CADM2: variants seen among roughly 807,000 people sequenced by gnomAD.
CADM2 encodes cell adhesion molecule 2.
CADM2 carries 12 observed loss-of-function variants against 49.8 expected under a neutral mutation model. The ratio of observed to expected loss-of-function variants is 0.24; its 90% confidence interval spans 0.15 to 0.39. The LOEUF is 0.39. CADM2 is among the 10% of genes least tolerant of loss of function. The probability of loss-of-function intolerance (pLI) is 1.00; values close to 1 mark genes in which losing one functional copy is unlikely to be tolerated. For synonymous variants in CADM2, 214 were observed against 175.4 expected, an observed-to-expected ratio of 1.22 and a Z score of -1.74; for missense variants, 378 against 492.3, an observed-to-expected ratio of 0.77 and a Z score of 2.20.
At chr3:85,654,515 T>C (rs2065140796) in intron 1 of CADM2, among the ~76,000 whole-genome samples, 1 of 152,062 alleles carries the variant, frequency 6.6e-6, no homozygotes, top group Non-Finnish European at 1.5e-5. Context: ...CTCAGTGAAA[T>C]TAAGAAGCAT....
intron 7 of CADM2, among the ~76,000 whole-genome samples, chr3:85,956,519 G>T (rs935093376): frequency 6.6e-6 from 1 of 151,420 alleles, no homozygotes; most frequent in Non-Finnish European, 1.5e-5. Context: ...ATGCTATTTT[G>T]CCACCTTGAA....
chr3:85,704,005 T>G (rs2066862049), intron 1 of CADM2, among the ~76,000 whole-genome samples: 9 of 152,198 alleles, frequency 5.9e-5, no homozygotes, highest in Admixed American at 5.9e-4. Flanking sequence ...TTAATATTTT[T>G]TTGCTCTGTA....
At chr3:85,916,988 T>C (rs1195974767) in intron 6 of CADM2, among the ~76,000 whole-genome samples, 5 of 152,182 alleles carry the variant, frequency 3.3e-5, no homozygotes, top group Admixed American at 3.3e-4. Flanking sequence ...AAGTGTCTGT[T>C]CATATCCTTC....
At chr3:84,997,371 G>A (rs1173350003) in intron 1 of CADM2, among the ~76,000 whole-genome samples, 3 of 151,906 alleles carry the variant, frequency 2.0e-5, no homozygotes, top group Admixed American at 6.6e-5. Context: ...CTTTTGGACC[G>A]ATTTTTCCAC....
chr3:85,740,893 C>T (rs913134978), intron 2 of CADM2, among the ~76,000 whole-genome samples: 1 of 152,172 alleles, frequency 6.6e-6, no homozygotes, highest in African/African-American at 2.4e-5. Flanking sequence ...ATATACTCTT[C>T]ATTTAGATCT....
chr3:85,930,888 A>C (rs1476717161), intron 6 of CADM2, among the ~76,000 whole-genome samples: 2 of 149,928 alleles, frequency 1.3e-5, no homozygotes, highest in South Asian at 2.1e-4. Flanking sequence ...AAGATTAATT[A>C]TATGTTAATT....
Position 85,134,484 on chromosome 3 carries a change from A to G in CADM2, c.61+174816A>G, listed in dbSNP as rs151159183. On this transcript the variant is annotated intron_variant, in intron 1 of 9. Coordinates refer to ENST00000383699, the MANE Select transcript of CADM2 (RefSeq NM_001167675.2). ...GTTTGCTACATAAATCATCTTTAAC[A>G]TAAATTGGTAAGTAGCTATGCCATG... Among the ~76,000 whole-genome samples the G allele has an allele frequency of 4.7e-3, 715 of 152,364 alleles. 5 individuals are homozygous for G. Among genetic ancestry groups the G allele is most frequent in the African/African-American group, 0.017 (693 of 41,594 alleles).
At chr3:85,402,543 A>G (rs1380482927) in intron 1 of CADM2, among the ~76,000 whole-genome samples, 1 of 151,990 alleles carries the variant, frequency 6.6e-6, no homozygotes, top group Non-Finnish European at 1.5e-5. Context: ...TCTCAATAAA[A>G]TCTTGAAGCA....
chr3:85,569,792 G>T (rs1380833206), intron 1 of CADM2, among the ~76,000 whole-genome samples: 6 of 152,004 alleles, frequency 3.9e-5, no homozygotes, highest in Admixed American at 3.9e-4. Context: ...AGTGACTTAG[G>T]TTAGAAAGAA....
intron 2 of CADM2, among the ~76,000 whole-genome samples, chr3:85,741,395 C>A (rs371257078): frequency 3.3e-5 from 5 of 151,864 alleles, no homozygotes; most frequent in African/African-American, 1.2e-4. Flanking sequence ...CTCAGCCTGG[C>A]GTGGTGGCTC....
chr3:85,559,583 C>G (rs1358397717), intron 1 of CADM2, among the ~76,000 whole-genome samples: 1 of 151,660 alleles, frequency 6.6e-6, no homozygotes, highest in Non-Finnish European at 1.5e-5. Flanking sequence ...ATTTAATGCT[C>G]CACTTTAAAA....
chr3:85,307,797 A>G (rs2044248739), intron 1 of CADM2, among the ~76,000 whole-genome samples: 1 of 151,744 alleles, frequency 6.6e-6, no homozygotes, highest in South Asian at 2.1e-4. Flanking sequence ...TTGAGCTCAA[A>G]TGAACTATTT....
At chr3:85,991,502 A>T (rs1187147934) in intron 8 of CADM2, among the ~76,000 whole-genome samples, 2 of 152,190 alleles carry the variant, frequency 1.3e-5, no homozygotes, top group African/African-American at 4.8e-5. Context: ...TAAGCCATTT[A>T]TAAGTAATCT....
intron 1 of CADM2, among the ~76,000 whole-genome samples, chr3:85,162,602 A>C (rs950930393): frequency 6.6e-6 from 1 of 152,122 alleles, no homozygotes; most frequent in African/African-American, 2.4e-5. Context: ...TTGTGTTTCT[A>C]GAGTTTATAC....
At chr3:85,139,423 C>A (rs1450425218) in intron 1 of CADM2, among the ~76,000 whole-genome samples, 1 of 151,962 alleles carries the variant, frequency 6.6e-6, no homozygotes, top group Admixed American at 6.6e-5. Flanking sequence ...TGTTCTTTTA[C>A]ATTAATCAAT....
At chr3:86,033,583 C>T (rs1734793761) in intron 8 of CADM2, among the ~76,000 whole-genome samples, 1 of 150,418 alleles carries the variant, frequency 6.6e-6, no homozygotes, top group Admixed American at 6.7e-5. Flanking sequence ...AAGAATACTG[C>T]TTTAGTTTTT....
At chr3:84,972,650 T>G (rs1472926682) in intron 1 of CADM2, among the ~76,000 whole-genome samples, 2 of 152,228 alleles carry the variant, frequency 1.3e-5, no homozygotes, top group East Asian at 3.9e-4. Context: ...CATATTTCTG[T>G]GCATTTCATG....
At chr3:85,245,599 G>A (rs145822674) in intron 1 of CADM2, among the ~76,000 whole-genome samples, 16 of 151,924 alleles carry the variant, frequency 1.1e-4, no homozygotes, top group African/African-American at 3.4e-4. Flanking sequence ...CCTTACATAC[G>A]TGTGCACCTC....
intron 1 of CADM2, among the ~76,000 whole-genome samples, chr3:85,120,472 T>A (rs982666831): frequency 2.6e-5 from 4 of 152,128 alleles, no homozygotes; most frequent in Middle Eastern, 3.2e-3. Context: ...GTGGCACATA[T>A]ACACCATGGA....
Sources: gnomAD v4.1 joint callset for allele counts (sites outside exome capture counted in the v4.1 genomes callset) on GRCh38, gnomAD v4.1.1 for gene constraint, MANE v1.5 for transcripts, NCBI Gene and HGNC (gene_info 2026-07-23, HGNC 2026-07-21) for gene names.